CYP27A1: variants seen among roughly 807,000 people sequenced by gnomAD.
CYP27A1 encodes sterol 26-hydroxylase, mitochondrial.
A neutral mutation model predicts 58.2 loss-of-function variants in CYP27A1; 46 were observed. That is an observed-to-expected ratio of 0.79 (90% confidence interval 0.62 to 1.01). The LOEUF (loss-of-function observed/expected upper bound fraction) is 1.01. CYP27A1 is among the 50% of genes least tolerant of loss of function. The pLI, the probability that CYP27A1 is intolerant of heterozygous loss-of-function variation, is 0.00. For synonymous variants in CYP27A1, 274 were observed against 285.1 expected, an observed-to-expected ratio of 0.96 and a Z score of 0.39; for missense variants, 704 against 687.0, an observed-to-expected ratio of 1.02 and a Z score of -0.28.
rs368280514 is a variant in CYP27A1 at position 218,812,330 on chromosome 2, T to A, written c.555T>A (p.Phe185Leu). 1 of 1,614,096 alleles carries A rather than the reference T, an allele frequency of 6.2e-7. No individual in the cohort carries two copies. The highest frequency in any genetic ancestry group is 2.2e-5 in the East Asian group (1 of 44,900). ...TDAFNEVIDD[F>L]MTRLDQLRAE... ...CTTTCAATGAGGTGATTGATGACTT[T>A]ATGACTCGACTGGACCAGCTGCGGG... Residue 185 changes from phenylalanine to leucine, a missense_variant, in exon 3 of 9, where the codon TTT (phenylalanine) becomes TTA (leucine). Physicochemically the swap from Phe to Leu is conservative, Grantham distance 22. Coordinates refer to ENST00000258415, the MANE Select transcript of CYP27A1 (RefSeq NM_000784.4).
At chr2:218,790,761 G>A (rs867337165) in intron 1 of CYP27A1, among the ~76,000 whole-genome samples, 1 of 151,078 alleles carries the variant, frequency 6.6e-6, no homozygotes, top group Admixed American at 6.6e-5. Context: ...GTAGTGGCAC[G>A]ACCTCGGCTC....
intron 1 of CYP27A1, among the ~76,000 whole-genome samples, chr2:218,806,869 A>G (rs2105977662): frequency 6.6e-6 from 1 of 152,004 alleles, no homozygotes; most frequent in East Asian, 1.9e-4. Flanking sequence ...GGTCAGCTCT[A>G]TGGAAACACG....
chr2:218,807,333 A>G (rs1478864353), intron 1 of CYP27A1, among the ~76,000 whole-genome samples: 10 of 152,122 alleles, frequency 6.6e-5, no homozygotes, highest in Non-Finnish European at 1.3e-4. Context: ...TAAGGAAAAA[A>G]ACAAAACTCA....
intron 1 of CYP27A1, among the ~76,000 whole-genome samples, chr2:218,803,221 A>C (rs1001552648): frequency 4.6e-5 from 7 of 152,188 alleles, no homozygotes; most frequent in African/African-American, 1.4e-4. Context: ...GGCCTCCCAA[A>C]GTGCTGGTAT....
Position 218,782,544 on chromosome 2 carries a change from T to A in CYP27A1, c.255+107T>A. On this transcript the variant is annotated intron_variant, in intron 1 of 8. Transcript: ENST00000258415. The surrounding 1 kb of genome is among the most constrained non-coding windows in gnomAD (Gnocchi z 4.1). The stretch of plus-strand genomic sequence containing the variant: ...AAAGTGAAGGCTGCAGGAACTCAGC[T>A]GGGGACCCACTGAGGCTATGGTCAT... 2.8e-6 allele frequency: 4 copies of A among 1,420,910 alleles called. No individual in the cohort carries two copies. Among genetic ancestry groups the A allele is most frequent in the Non-Finnish European group, 3.9e-6 (4 of 1,014,510 alleles). The allele number at this position is 1,420,910 out of a possible 1,614,324, so 88.0% of individuals were successfully genotyped here.
chr2:218,790,859 G>A (rs1184466219), intron 1 of CYP27A1, among the ~76,000 whole-genome samples: 6 of 151,928 alleles, frequency 3.9e-5, no homozygotes, highest in South Asian at 4.2e-4. Flanking sequence ...CACCACTCCC[G>A]GCTATATTTT....
At chr2:218,811,066 G>A (rs1336977348) in intron 2 of CYP27A1, among the ~76,000 whole-genome samples, 2 of 152,264 alleles carry the variant, frequency 1.3e-5, no homozygotes, top group East Asian at 3.9e-4. Flanking sequence ...CAGGAGAATC[G>A]CTTGAACCTG....
chr2:218,787,746 G>A lies in CYP27A1; in HGVS notation c.255+5309G>A, dbSNP rs75933102. Reference sequence around the variant, plus strand: ...TGACATTGCAAGAAGGTCCTAACCAGATACAGTCCCCTCAACTTTGGACCT... The same window carrying A: ...TGACATTGCAAGAAGGTCCTAACCAAATACAGTCCCCTCAACTTTGGACCT... On this transcript the variant is annotated intron_variant, in intron 1 of 8. Coordinates refer to ENST00000258415, the MANE Select transcript of CYP27A1 (RefSeq NM_000784.4). Among the ~76,000 whole-genome samples the A allele has an allele frequency of 5.0e-3, 763 of 152,308 alleles. 2 individuals carry two copies. The highest frequency in any genetic ancestry group is 0.034 in the Middle Eastern group (10 of 294).
intron 6 of CYP27A1, 23 bp downstream of exon 6, chr2:218,814,210 G>T (rs1943757904): frequency 6.2e-7 from 1 of 1,614,116 alleles, no homozygotes. Flanking sequence ...GCTGTTCTGG[G>T]GGGCACAGGA....
At chr2:218,811,491 T>C (rs552817913) in intron 2 of CYP27A1, among the ~76,000 whole-genome samples, 18 of 152,326 alleles carry the variant, frequency 1.2e-4, no homozygotes, top group Admixed American at 8.5e-4. Context: ...TTAATCTTGC[T>C]TATGGAAAGT....
chr2:218,813,458 C>A (rs1177397768), intron 5 of CYP27A1, among the ~76,000 whole-genome samples: 1 of 152,140 alleles, frequency 6.6e-6, no homozygotes. Context: ...TGGAGTCTCA[C>A]TCTGTTGCCC....
At chr2:218,813,121 C>T (rs1553616343) in intron 5 of CYP27A1, 25 bp downstream of exon 5, 1 of 1,587,238 alleles carries the variant, frequency 6.3e-7, no homozygotes, top group East Asian at 2.2e-5. Flanking sequence ...AGGGTGAGAC[C>T]AGGGGCCCCC....
At chr2:218,786,035 C>T (rs1215194847) in intron 1 of CYP27A1, among the ~76,000 whole-genome samples, 1 of 152,182 alleles carries the variant, frequency 6.6e-6, no homozygotes, top group Non-Finnish European at 1.5e-5. Flanking sequence ...TTACAGTCCC[C>T]CAGCTACTTG....
chr2:218,795,233 C>T (rs1474179798), intron 1 of CYP27A1, among the ~76,000 whole-genome samples: 1 of 152,194 alleles, frequency 6.6e-6, no homozygotes, highest in African/African-American at 2.4e-5. Context: ...CCTCTGTTAT[C>T]ATCTGCCTCT....
At chr2:218,788,662 A>G (rs574886529) in intron 1 of CYP27A1, among the ~76,000 whole-genome samples, 124 of 152,266 alleles carry the variant, frequency 8.1e-4, no homozygotes, top group African/African-American at 2.9e-3. Flanking sequence ...CCTTTTGAAT[A>G]TACTTCTCTG....
chr2:218,812,499 G>C (rs976382165), intron 3 of CYP27A1, 53 bp from the exon 4 acceptor site: 1 of 1,611,992 alleles, frequency 6.2e-7, no homozygotes, highest in African/African-American at 1.3e-5. Context: ...AGGGCTCCTG[G>C]ATTCCATATG....
At chr2:218,789,430 T>C (rs1943469293) in intron 1 of CYP27A1, among the ~76,000 whole-genome samples, 1 of 152,090 alleles carries the variant, frequency 6.6e-6, no homozygotes, top group South Asian at 2.1e-4. Flanking sequence ...AGCCATGTGG[T>C]GGAAGAAGAT....
At chr2:218,813,340 A>C (rs1943745130) in intron 5 of CYP27A1, among the ~76,000 whole-genome samples, 1 of 152,218 alleles carries the variant, frequency 6.6e-6, no homozygotes, top group Non-Finnish European at 1.5e-5. Context: ...TCTCTCTGAC[A>C]GCTGGGAAGT....
intron 1 of CYP27A1, among the ~76,000 whole-genome samples, chr2:218,801,621 TATC>T (rs1943600588): frequency 6.6e-6 from 1 of 152,052 alleles, no homozygotes. Context: ...TCTCTGCAAA[TATC>T]ATAGTTGAAA....
Sources: gnomAD v4.1 joint callset for allele counts (sites outside exome capture counted in the v4.1 genomes callset) on GRCh38, gnomAD v4.1.1 for gene constraint, Gnocchi (gnomAD v3.1) non-coding constraint, MANE v1.5 for transcripts, NCBI Gene and HGNC (gene_info 2026-07-23, HGNC 2026-07-21) for gene names.